Variants in FANK1 observed in about 807,000 individuals in gnomAD.
FANK1 encodes the protein fibronectin type III and ankyrin repeat domains 1, also known as fibronectin type 3 and ankyrin repeat domains protein 1.
Under a neutral mutation model 45.3 loss-of-function variants are expected in FANK1, and 44 were observed. The observed-to-expected ratio is 0.97, with a 90% CI of 0.76 to 1.25. The LOEUF is 1.25. Ranked by LOEUF, FANK1 falls within the 50% of genes most tolerant of loss-of-function variation. The pLI, the probability that FANK1 is intolerant of heterozygous loss-of-function variation, is 0.00. For missense variants in FANK1, 391 were observed against 424.4 expected (o/e 0.92, Z 0.69); for synonymous variants, 149 against 152.5 (o/e 0.98, Z 0.17).
intron 6 of FANK1, among the ~76,000 whole-genome samples, chr10:126,003,511 T>A (rs1952932998): frequency 6.6e-6 from 1 of 152,198 alleles, no homozygotes; most frequent in Non-Finnish European, 1.5e-5. Flanking sequence ...TGATGCAGGT[T>A]GTCTCACAGG....
chr10:125,952,445 A>T (rs1197810447), intron 1 of FANK1, among the ~76,000 whole-genome samples: 1 of 152,178 alleles, frequency 6.6e-6, no homozygotes, highest in Non-Finnish European at 1.5e-5. Flanking sequence ...TATAGTGTGC[A>T]GATTTCATCT....
At chr10:125,920,673 A>G (rs1946882208) in intron 1 of FANK1, among the ~76,000 whole-genome samples, 1 of 152,160 alleles carries the variant, frequency 6.6e-6, no homozygotes, top group Non-Finnish European at 1.5e-5. Flanking sequence ...ACCCAGAGGA[A>G]CCACTGGGAT....
chr10:125,896,684 C>G, intron 1 of FANK1, 29 bp downstream of exon 1: 4 of 1,274,444 alleles, frequency 3.1e-6, no homozygotes, highest in Non-Finnish European at 4.0e-6. Context: ...GGAGCTGGGA[C>G]CGGGGCGGGC....
chr10:125,952,706 T>C (rs10794041), intron 1 of FANK1, among the ~76,000 whole-genome samples: 3 of 150,382 alleles, frequency 2.0e-5, no homozygotes, highest in South Asian at 2.1e-4. Flanking sequence ...GCCTCTCTCC[T>C]GTGGAATGGT....
At chr10:125,937,213 T>G (rs575675685) in intron 1 of FANK1, among the ~76,000 whole-genome samples, 2 of 152,336 alleles carry the variant, frequency 1.3e-5, no homozygotes, top group South Asian at 4.1e-4. Flanking sequence ...TGGCTAGATA[T>G]TGCCAAACAG....
intron 1 of FANK1, among the ~76,000 whole-genome samples, chr10:125,962,991 T>G (rs1015668110): frequency 2.9e-4 from 44 of 151,760 alleles, no homozygotes; most frequent in African/African-American, 1.1e-3. Flanking sequence ...ACTGTGGTTT[T>G]TTTTTTTTTT....
At chr10:125,925,309 A>G (rs1445563378) in intron 1 of FANK1, among the ~76,000 whole-genome samples, 5 of 152,406 alleles carry the variant, frequency 3.3e-5, no homozygotes, top group African/African-American at 1.2e-4. Context: ...ACTTTTATCA[A>G]AATGAAATGT....
chr10:125,945,607 C>T (rs550792400), intron 1 of FANK1, among the ~76,000 whole-genome samples: 13 of 152,300 alleles, frequency 8.5e-5, no homozygotes, highest in South Asian at 2.1e-4. Context: ...CCTACGCCCA[C>T]GGAATCTCGC....
At chr10:125,973,037 C>T (rs1950619725) in intron 1 of FANK1, 1 of 152,276 alleles carries the variant, frequency 6.6e-6, no homozygotes. Context: ...TGAGTAGCAG[C>T]TGGAAGTGGG....
chr10:125,919,813 T>C (rs1168344805), intron 1 of FANK1, among the ~76,000 whole-genome samples: 13 of 152,326 alleles, frequency 8.5e-5, no homozygotes, highest in Middle Eastern at 3.4e-3. Context: ...CCAAAAACTC[T>C]AGATGATTTT....
At chr10:125,939,236 TTA>T (rs1425392614) in intron 1 of FANK1, among the ~76,000 whole-genome samples, 1 of 152,164 alleles carries the variant, frequency 6.6e-6, no homozygotes, top group African/African-American at 2.4e-5. Flanking sequence ...TAAATGCAGT[TTA>T]TGATTCTTCA....
At chr10:125,971,193 C>T (rs769762220) in intron 1 of FANK1, among the ~76,000 whole-genome samples, 20 of 152,136 alleles carry the variant, frequency 1.3e-4, no homozygotes, top group Non-Finnish European at 2.5e-4. Flanking sequence ...TATAGCCTTT[C>T]CCTCCTGTTG....
chr10:125,956,865 T>C (rs1949610383), intron 1 of FANK1, among the ~76,000 whole-genome samples: 1 of 152,214 alleles, frequency 6.6e-6, no homozygotes, highest in African/African-American at 2.4e-5. Flanking sequence ...GCTTCTAATG[T>C]ACAGTGACAA....
chr10:126,004,954 C>T lies in FANK1; in HGVS notation c.610C>T (p.Gln204Ter), dbSNP rs918479208. 2 of 1,614,180 alleles carry T rather than the reference C, an allele frequency of 1.2e-6. No individual in the cohort carries two copies. Among genetic ancestry groups the T allele is most frequent in the South Asian group, 1.1e-5 (1 of 91,082 alleles). Residue 204 changes from glutamine (Q) to a stop codon, truncating the protein, a stop_gained, in exon 7 of 11, where the codon CAG (glutamine) becomes TAG (stop). Transcript: ENST00000368693. LOFTEE classifies it high-confidence loss of function. ...TCTCCGAAGACATGGCGCTTCTTGG[C>T]AGGCTAGAGACCTGGGAGGCTGTAC... ...KYLRRHGASWQARDLGGCTAL... is the reference protein window; with the variant it reads ...KYLRRHGASW
At chr10:125,987,009 G>A (rs1951604943) in intron 2 of FANK1, among the ~76,000 whole-genome samples, 1 of 152,204 alleles carries the variant, frequency 6.6e-6, no homozygotes, top group Non-Finnish European at 1.5e-5. Context: ...TAGGTGAGGT[G>A]TTAGCTCACC....
intron 1 of FANK1, among the ~76,000 whole-genome samples, chr10:125,915,942 G>T (rs1370735912): frequency 6.6e-6 from 1 of 152,184 alleles, no homozygotes; most frequent in Non-Finnish European, 1.5e-5. Context: ...TTGACAGTTT[G>T]TAATAACTGC....
At position 125,980,150 on chromosome 10, in the gene FANK1, C is replaced by CT. The variant is rs772017389; in HGVS notation, c.14-3dup. On this transcript the variant is annotated splice_polypyrimidine_tract_variant and intron_variant, in intron 1 of 10. Transcript: ENST00000368693. ...CTGGGTCCTGAAGTTCGGTGTCATTCTTTTTTTTAGAAATCATGCCACCCT... is the reference window on the plus strand; with the variant it reads ...CTGGGTCCTGAAGTTCGGTGTCATTCTTTTTTTTTAGAAATCATGCCACCCT... 26 of 1,605,216 alleles carry CT rather than the reference C, an allele frequency of 1.6e-5. No individual in the cohort carries two copies. The highest frequency in any genetic ancestry group is 1.7e-4 in the Middle Eastern group (1 of 6,048).
At chr10:126,000,861 A>G (rs532011484) in intron 6 of FANK1, among the ~76,000 whole-genome samples, 4 of 152,346 alleles carry the variant, frequency 2.6e-5, no homozygotes, top group African/African-American at 9.6e-5. Flanking sequence ...CACAGTAGAA[A>G]AAAGCAGTTT....
intron 1 of FANK1, among the ~76,000 whole-genome samples, chr10:125,927,224 T>C (rs1216486504): frequency 6.6e-6 from 1 of 152,190 alleles, no homozygotes; most frequent in Non-Finnish European, 1.5e-5. Flanking sequence ...CCTCCCACCT[T>C]AGCCTCCTGA....
Sources: allele counts gnomAD v4.1 joint callset (sites outside exome capture counted in the v4.1 genomes callset), GRCh38; gene constraint gnomAD v4.1.1; transcripts MANE v1.5; gene names NCBI Gene and HGNC (gene_info 2026-07-23, HGNC 2026-07-21).